PTPN21: variants seen among roughly 807,000 people sequenced by gnomAD.
PTPN21 encodes the protein protein tyrosine phosphatase non-receptor type 21.
PTPN21 carries 77 observed loss-of-function variants against 131.8 expected under a neutral mutation model. That is an observed-to-expected ratio of 0.58 (90% CI 0.49 to 0.71). PTPN21 has a LOEUF of 0.71. Among genes scored for constraint, PTPN21 ranks in the 30% least tolerant of loss-of-function variants. The pLI, the probability that PTPN21 is intolerant of heterozygous loss-of-function variation, is 0.00. For synonymous variants in PTPN21, 715 were observed against 621.3 expected, an observed-to-expected ratio of 1.15 and a Z score of -2.24; for missense variants, 1,552 against 1,527.1, an observed-to-expected ratio of 1.02 and a Z score of -0.27.
At chr14:88,508,609 C>A (rs1423613167) in intron 3 of PTPN21, among the ~76,000 whole-genome samples, 2 of 152,254 alleles carry the variant, frequency 1.3e-5, no homozygotes, top group East Asian at 3.9e-4. Context: ...GTAAAACAGT[C>A]CCCACAATTT....
intron 15 of PTPN21, among the ~76,000 whole-genome samples, chr14:88,471,448 C>G (rs1267186847): frequency 6.6e-6 from 1 of 152,128 alleles, no homozygotes; most frequent in Non-Finnish European, 1.5e-5. Flanking sequence ...AGAACATACA[C>G]TAGGGAAGGA....
chr14:88,535,995 T>C (rs948357976), intron 2 of PTPN21, among the ~76,000 whole-genome samples: 1 of 152,256 alleles, frequency 6.6e-6, no homozygotes, highest in African/African-American at 2.4e-5. Context: ...CTTTGTTATA[T>C]AACTTTCCAG....
At chr14:88,492,119 T>A (rs1196457012) in intron 10 of PTPN21, among the ~76,000 whole-genome samples, 2 of 151,866 alleles carry the variant, frequency 1.3e-5, no homozygotes, top group African/African-American at 2.4e-5. Flanking sequence ...AGGGATTATG[T>A]TTTATGGTTT....
chr14:88,547,642 G>A lies in PTPN21; in HGVS notation c.180+2596C>T, dbSNP rs148226135. ...TACTCCAGCCTGGGTGATGGAGTGA[G>A]ACCTCATCCCTAAAAAAGAATAAAT... is the stretch of plus-strand genomic sequence containing the variant. On this transcript the variant is annotated intron_variant, in intron 2 of 18. Transcript: ENST00000556564. The A allele has an allele frequency of 6.6e-5, 30 of 455,768 alleles. No homozygotes were observed. In the East Asian group the frequency reaches 2.0e-3, roughly 31 times the overall value. The allele number at this position is 455,768 out of a possible 1,614,324, so 28.2% of individuals were successfully genotyped here.
intron 12 of PTPN21, among the ~76,000 whole-genome samples, 189 bp downstream of exon 12, chr14:88,484,887 C>CA (rs150431103): frequency 0.33 from 49,756 of 151,286 alleles, 8,300 homozygotes; most frequent in South Asian, 0.42. Flanking sequence ...ACTCTGTCTC[C>CA]AAAAAAACAA....
At chr14:88,538,162 G>A (rs1035599389) in intron 2 of PTPN21, among the ~76,000 whole-genome samples, 7 of 152,080 alleles carry the variant, frequency 4.6e-5, no homozygotes, top group Admixed American at 3.3e-4. Flanking sequence ...TTTAGTTTAC[G>A]ACCCACATAA....
intron 10 of PTPN21, among the ~76,000 whole-genome samples, chr14:88,492,063 C>CA (rs1258993624): frequency 6.7e-6 from 1 of 149,486 alleles, no homozygotes; most frequent in Non-Finnish European, 1.5e-5. Context: ...AACAAACAAA[C>CA]AAAAAACAGG....
chr14:88,483,536 A>G (rs1467660509), intron 12 of PTPN21, among the ~76,000 whole-genome samples: 2 of 152,148 alleles, frequency 1.3e-5, no homozygotes, highest in Non-Finnish European at 2.9e-5. Flanking sequence ...CAGGGCCGAC[A>G]CAAACAATAC....
intron 2 of PTPN21, among the ~76,000 whole-genome samples, chr14:88,544,921 G>A (rs954892514): frequency 4.6e-5 from 7 of 151,812 alleles, no homozygotes; most frequent in Non-Finnish European, 7.4e-5. Context: ...TCTGTCTCTC[G>A]GATTCAAGTG....
Position 88,479,058 on chromosome 14 carries a change from C to G in PTPN21, c.2373G>C (p.Leu791=). 6.2e-7 allele frequency: 1 copy of G among 1,606,916 alleles called. No individual in the cohort carries two copies. The highest frequency in any genetic ancestry group is 1.1e-5 in the South Asian group (1 of 90,296). ...AEAQRPWRDG[L]LMPSMSESDL... ...CGGACTCCGACATGGAGGGCATCAG[C>G]AGCCCGTCTCTCCAGGGCCGCTGGG... The change falls in exon 13 of 19, where the codon CTG becomes CTC. Residue 791 remains leucine, a synonymous_variant. Coordinates refer to ENST00000556564, the MANE Select transcript of PTPN21 (RefSeq NM_007039.4).
At chr14:88,535,107 T>G (rs1331887398) in intron 2 of PTPN21, among the ~76,000 whole-genome samples, 1 of 152,166 alleles carries the variant, frequency 6.6e-6, no homozygotes, top group Non-Finnish European at 1.5e-5. Flanking sequence ...TGCTTAGATA[T>G]GTTTAAGTAC....
intron 2 of PTPN21, among the ~76,000 whole-genome samples, chr14:88,544,452 G>T (rs2078747512): frequency 1.3e-5 from 2 of 152,236 alleles, no homozygotes; most frequent in South Asian, 4.1e-4. Context: ...AACAAAAATG[G>T]TAATAAAGAA....
intron 12 of PTPN21, 134 bp downstream of exon 12, chr14:88,484,942 G>A: frequency 4.3e-6 from 3 of 694,740 alleles, no homozygotes; most frequent in Non-Finnish European, 7.7e-6. Flanking sequence ...TATGAATCCA[G>A]GATAGCTATT....
intron 2 of PTPN21, among the ~76,000 whole-genome samples, chr14:88,530,647 G>A (rs1486932775): frequency 6.6e-6 from 1 of 151,950 alleles, no homozygotes; most frequent in Non-Finnish European, 1.5e-5. Flanking sequence ...TTCTTATATT[G>A]GGCGAATCAG....
chr14:88,477,447 A>C (rs10151649), intron 13 of PTPN21, among the ~76,000 whole-genome samples: 735 of 6,686 alleles, frequency 0.11, 16 homozygotes, highest in Admixed American at 0.13. Context: ...AGACTGTTCT[A>C]AAAAAAAAAA....
At chr14:88,519,409 G>A (rs1321927945) in intron 2 of PTPN21, among the ~76,000 whole-genome samples, 1 of 152,094 alleles carries the variant, frequency 6.6e-6, no homozygotes, top group Non-Finnish European at 1.5e-5. Context: ...ATGTGGTAGT[G>A]CCACCAAGGA....
At chr14:88,490,672 T>C (rs1166450648) in intron 10 of PTPN21, among the ~76,000 whole-genome samples, 1 of 152,202 alleles carries the variant, frequency 6.6e-6, no homozygotes, top group Non-Finnish European at 1.5e-5. Flanking sequence ...AGTCTCCTGA[T>C]TACAAAAGTC....
At chr14:88,491,480 T>TCAC (rs2077823116) in intron 10 of PTPN21, among the ~76,000 whole-genome samples, 1 of 152,340 alleles carries the variant, frequency 6.6e-6, no homozygotes, top group African/African-American at 2.4e-5. Flanking sequence ...TAAATGCCTA[T>TCAC]CACGCTTTAG....
chr14:88,493,290 G>A (rs1276781130), intron 10 of PTPN21: 1 of 332,674 alleles, frequency 3.0e-6, no homozygotes, highest in African/African-American at 2.2e-5. Context: ...TCAGAGTGGT[G>A]TCAAGGACTA....
Sources: gnomAD v4.1 joint callset for allele counts (sites outside exome capture counted in the v4.1 genomes callset) on GRCh38, gnomAD v4.1.1 for gene constraint, MANE v1.5 for transcripts, NCBI Gene and HGNC (gene_info 2026-07-23, HGNC 2026-07-21) for gene names.